Variants in GUCY2C observed in about 807,000 individuals in gnomAD.
The protein encoded by GUCY2C is guanylate cyclase 2C.
In GUCY2C, 118 loss-of-function variants were observed where a neutral mutation model predicts 131.1. The observed-to-expected ratio is 0.90, with a 90% confidence interval of 0.78 to 1.05. GUCY2C has a LOEUF of 1.05. Ranked by LOEUF, GUCY2C falls within the 50% of genes least tolerant of loss-of-function variation. The pLI is 0.00. For synonymous variants in GUCY2C, 452 were observed against 457.8 expected (o/e 0.99, Z 0.16); for missense variants, 1,161 against 1,304.4 (o/e 0.89, Z 1.69).
At chr12:14,618,580 T>A (rs1158266726) in intron 24 of GUCY2C, among the ~76,000 whole-genome samples, 1 of 152,038 alleles carries the variant, frequency 6.6e-6, no homozygotes, top group Non-Finnish European at 1.5e-5. Context: ...GTGGAAGGAC[T>A]CCTTGAGGTC....
chr12:14,677,151 A>G (rs917912466), intron 6 of GUCY2C, among the ~76,000 whole-genome samples, 180 bp from the exon 7 acceptor site: 1 of 152,216 alleles, frequency 6.6e-6, no homozygotes, highest in African/African-American at 2.4e-5. Context: ...GTTAGGTTAA[A>G]TAAGAGAATT....
rs562942379 is a variant in GUCY2C, at chr12:14,641,153, T to C, written c.1997A>G (p.Tyr666Cys). ...NISQKGDVYS[Y>C]GIIAQEIILR... ...GATGATCTCCTGTGCGATGATCCCA[T>C]AGCTGTACACATCTCCTTTCTGAGA... Residue 666 changes from tyrosine to cysteine, a missense_variant, in exon 18 of 27, where the codon TAT becomes TGT. Transcript: ENST00000261170. 4.2e-5 allele frequency: 67 copies of C among 1,613,708 alleles called. No homozygotes were observed. In the South Asian group the frequency reaches 6.8e-4, roughly 16 times the overall value.
intron 11 of GUCY2C, among the ~76,000 whole-genome samples, chr12:14,658,509 C>T (rs1947803161): frequency 6.6e-6 from 1 of 152,098 alleles, no homozygotes; most frequent in African/African-American, 2.4e-5. Flanking sequence ...AACCCTATCT[C>T]TACTAAAAAT....
rs115242718 is a variant in GUCY2C, at chr12:14,645,333, A to T, written c.1711-18T>A. 1.4e-3 allele frequency: 1,871 copies of T among 1,306,020 alleles called. 17 individuals carry two copies. In the African/African-American group the frequency reaches 0.024, roughly 17 times the overall value. The allele number at this position is 1,306,020 out of a possible 1,614,324, so 80.9% of individuals were successfully genotyped here. On this transcript the variant is annotated intron_variant, in intron 15 of 26. Coordinates refer to ENST00000261170, the MANE Select transcript of GUCY2C (RefSeq NM_004963.4). ...AAAACTTCCTGAATAGGAAAAAAGA[A>T]GAAGAAGAAAAGTTGTTGCAAGAAA...
At chr12:14,632,598 A>G (rs1287260612) in intron 19 of GUCY2C, among the ~76,000 whole-genome samples, 1 of 152,242 alleles carries the variant, frequency 6.6e-6, no homozygotes, top group Non-Finnish European at 1.5e-5. Context: ...ATTTCCTTTT[A>G]AATCATTAGA....
chr12:14,643,757 C>T, intron 16 of GUCY2C, 51 bp from the exon 17 acceptor site: 6 of 1,537,834 alleles, frequency 3.9e-6, no homozygotes, highest in Non-Finnish European at 5.3e-6. Context: ...ACTTCAGCTG[C>T]TTGATTATTT....
intron 15 of GUCY2C, among the ~76,000 whole-genome samples, chr12:14,645,744 T>C (rs1947507946): frequency 6.9e-6 from 1 of 145,310 alleles, no homozygotes; most frequent in African/African-American, 2.7e-5. Context: ...TTAATTGCTC[T>C]TTTTTTTTTG....
intron 11 of GUCY2C, among the ~76,000 whole-genome samples, chr12:14,660,529 A>G (rs554453388): frequency 2.0e-5 from 3 of 152,338 alleles, no homozygotes; most frequent in Non-Finnish European, 4.4e-5. Context: ...AATTGTTTCT[A>G]AAACCTCTCC....
At position 14,625,914 on chromosome 12, in the gene GUCY2C, G is replaced by T. The variant is rs191777682; in HGVS notation, c.2251C>A (p.Leu751Ile). 3.1e-6 allele frequency: 5 copies of T among 1,597,196 alleles called. No individual in the cohort carries two copies. Among genetic ancestry groups the T allele is most frequent in the South Asian group, 2.2e-5 (2 of 90,654 alleles). Residue 751 changes from leucine (L) to isoleucine (I), a missense_variant and splice_region_variant, in exon 21 of 27, where the codon CTT (leucine) becomes ATT (isoleucine). Transcript: ENST00000261170. ...CTTTCATTTTTTTGGTCATGAAAAA[G>T]TCTGTAGGTAGTAATAGATAAAGAG... ...IETTLAKIFG[L>I]FHDQKNESYM... is the part of the protein sequence containing the mutation.
intron 15 of GUCY2C, among the ~76,000 whole-genome samples, chr12:14,648,579 A>G (rs1328791792): frequency 1.3e-5 from 2 of 152,206 alleles, no homozygotes; most frequent in Non-Finnish European, 2.9e-5. Flanking sequence ...ACAATTATGT[A>G]ATCCTCTTTG....
intron 20 of GUCY2C, among the ~76,000 whole-genome samples, chr12:14,627,448 G>A (rs1297023561): frequency 1.3e-5 from 2 of 152,176 alleles, no homozygotes; most frequent in South Asian, 4.1e-4. Flanking sequence ...GTGGGAGCAG[G>A]TGTAAGAGAT....
At chr12:14,674,203 T>C (rs977708441) in intron 8 of GUCY2C, 2 of 236,508 alleles carry the variant, frequency 8.5e-6, no homozygotes, top group African/African-American at 2.2e-5. Context: ...GAGGGTATTA[T>C]TTTGTGGAGT....
intron 1 of GUCY2C, among the ~76,000 whole-genome samples, chr12:14,688,984 T>A (rs534733630): frequency 6.6e-6 from 1 of 152,198 alleles, no homozygotes; most frequent in African/African-American, 2.4e-5. Flanking sequence ...GTGCTTTCAA[T>A]TTATTCCAGG....
At chr12:14,630,846 A>G (rs939862097) in intron 19 of GUCY2C, among the ~76,000 whole-genome samples, 3 of 152,188 alleles carry the variant, frequency 2.0e-5, no homozygotes, top group African/African-American at 7.2e-5. Context: ...GTCCAACTAC[A>G]CAAATGAATT....
chr12:14,646,943 T>C (rs1947534661), intron 15 of GUCY2C, among the ~76,000 whole-genome samples: 1 of 152,146 alleles, frequency 6.6e-6, no homozygotes, highest in Admixed American at 6.5e-5. Context: ...AAAAATTGCC[T>C]ACAATCTGGG....
chr12:14,643,815 C>T, intron 16 of GUCY2C, 109 bp from the exon 17 acceptor site: 1 of 916,374 alleles, frequency 1.1e-6, no homozygotes, highest in Non-Finnish European at 1.7e-6. Context: ...ATGGTCACAC[C>T]ATCAGATTTT....
intron 15 of GUCY2C, among the ~76,000 whole-genome samples, chr12:14,646,338 G>C (rs1319704474): frequency 1.3e-5 from 2 of 152,140 alleles, no homozygotes; most frequent in Non-Finnish European, 2.9e-5. Flanking sequence ...AATTTCCAAG[G>C]AGGGGTCTAA....
chr12:14,636,341 A>G (rs1325996485), intron 19 of GUCY2C, among the ~76,000 whole-genome samples: 8 of 152,246 alleles, frequency 5.3e-5, no homozygotes, highest in Non-Finnish European at 1.0e-4. Flanking sequence ...CGTCAACAGA[A>G]TGAAGAACAA....
chr12:14,650,773 G>A (rs1947637232), intron 15 of GUCY2C, among the ~76,000 whole-genome samples: 1 of 152,086 alleles, frequency 6.6e-6, no homozygotes, highest in Admixed American at 6.6e-5. Flanking sequence ...ATTTCATAGG[G>A]ATTAATCCAA....
Sources: gnomAD v4.1 joint callset for allele counts (sites outside exome capture counted in the v4.1 genomes callset) on GRCh38, gnomAD v4.1.1 for gene constraint, MANE v1.5 for transcripts, NCBI Gene and HGNC (gene_info 2026-07-23, HGNC 2026-07-21) for gene names.